Variants in MAN1A1 observed in about 807,000 individuals in gnomAD.
MAN1A1 encodes the protein mannosyl-oligosaccharide 1,2-alpha-mannosidase IA.
A neutral mutation model predicts 70.8 loss-of-function variants in MAN1A1; 29 were observed. That is an observed-to-expected ratio of 0.41 (90% CI 0.31 to 0.56). MAN1A1 has a LOEUF of 0.56. MAN1A1 is among the 20% of genes least tolerant of loss of function. The probability of loss-of-function intolerance (pLI) is 0.29; values close to 1 mark genes in which losing one functional copy is unlikely to be tolerated. For missense variants in MAN1A1, 747 were observed against 841.3 expected (o/e 0.89, Z 1.39); for synonymous variants, 349 against 330.1 (o/e 1.06, Z -0.62).
At chr6:119,194,000 C>T in intron 8 of MAN1A1, 108 bp from the exon 9 acceptor site, 1 of 617,712 alleles carries the variant, frequency 1.6e-6, no homozygotes, top group Admixed American at 2.9e-5. Flanking sequence ...CTGCAAGTCA[C>T]TGTTACATTT....
chr6:119,270,101 CT>C (rs1199522955), intron 5 of MAN1A1, among the ~76,000 whole-genome samples: 1 of 152,192 alleles, frequency 6.6e-6, no homozygotes. Flanking sequence ...CTCTAGCAGT[CT>C]TTGTTAGCTT....
chr6:119,267,657 A>T (rs12215906), intron 5 of MAN1A1, among the ~76,000 whole-genome samples: 51,931 of 151,706 alleles, frequency 0.34, 9,151 homozygotes, highest in East Asian at 0.54. Flanking sequence ...GCCACCCTAG[A>T]AACCCTATGT....
intron 2 of MAN1A1, among the ~76,000 whole-genome samples, chr6:119,319,359 A>AAATAAT (rs199629407): frequency 4.7e-5 from 7 of 147,822 alleles, no homozygotes; most frequent in East Asian, 2.0e-4. Flanking sequence ...AAAATGGTAA[A>AAATAAT]AATAATAATA....
chr6:119,234,212 G>A (rs1293295794), intron 6 of MAN1A1, among the ~76,000 whole-genome samples: 1 of 152,146 alleles, frequency 6.6e-6, no homozygotes, highest in Admixed American at 6.5e-5. Flanking sequence ...TCTAAGAAAA[G>A]ATTACTTGGA....
intron 5 of MAN1A1, among the ~76,000 whole-genome samples, chr6:119,283,366 A>C (rs1467094144): frequency 6.6e-6 from 1 of 152,228 alleles, no homozygotes; most frequent in East Asian, 1.9e-4. Context: ...ATGACTAAAC[A>C]TTTACTAAAT....
rs538099961 is a variant in MAN1A1, at chr6:119,334,131, A to T, written c.603+14332T>A. 8.3e-4 allele frequency among the ~76,000 whole-genome samples: 126 copies of T among 152,334 alleles called. 4 individuals are homozygous for T. In the South Asian group the frequency reaches 0.025, roughly 31 times the overall value. ...CAATGGTTTATTTTCGATCAATTTT[A>T]GAAACATTTGACAAGGTATGGGAAG... On this transcript the variant is annotated intron_variant, in intron 2 of 12. Transcript: ENST00000368468.
chr6:119,292,248 C>T (rs551138008), intron 4 of MAN1A1, among the ~76,000 whole-genome samples: 11 of 151,656 alleles, frequency 7.3e-5, no homozygotes, highest in African/African-American at 2.7e-4. Context: ...AAGCACATTT[C>T]AAGCTTTAGT....
chr6:119,238,820 A>T (rs1057445678), intron 6 of MAN1A1, among the ~76,000 whole-genome samples: 3 of 152,176 alleles, frequency 2.0e-5, no homozygotes, highest in African/African-American at 7.2e-5. Context: ...TTAAACTCCC[A>T]CTCACATTTT....
chr6:119,180,472 T>C (rs371907926), intron 11 of MAN1A1, 45 bp from the exon 12 acceptor site: 4 of 978,204 alleles, frequency 4.1e-6, no homozygotes, highest in Non-Finnish European at 6.4e-6. Flanking sequence ...TTCAGTAAAC[T>C]GATTGTCACT....
At chr6:119,335,389 C>A (rs1773426446) in intron 2 of MAN1A1, among the ~76,000 whole-genome samples, 1 of 152,176 alleles carries the variant, frequency 6.6e-6, no homozygotes, top group Non-Finnish European at 1.5e-5. Context: ...TTATTAACTC[C>A]ATTTCAAAGG....
chr6:119,271,800 A>T (rs1290095497), intron 5 of MAN1A1, among the ~76,000 whole-genome samples: 2 of 151,772 alleles, frequency 1.3e-5, no homozygotes, highest in Non-Finnish European at 2.9e-5. Flanking sequence ...CACCACGCCC[A>T]GCCAACCCCC....
chr6:119,211,873 G>A (rs1391243472), intron 6 of MAN1A1, among the ~76,000 whole-genome samples: 4 of 142,860 alleles, frequency 2.8e-5, no homozygotes, highest in Non-Finnish European at 6.0e-5. Context: ...ATGGAGTCTC[G>A]CTCTGTCACC....
chr6:119,272,542 T>C (rs771025532), intron 5 of MAN1A1, among the ~76,000 whole-genome samples: 1 of 152,206 alleles, frequency 6.6e-6, no homozygotes, highest in Admixed American at 6.5e-5. Context: ...TTTCCATGTA[T>C]GTTAGTAATA....
chr6:119,204,939 T>C (rs1773818261), intron 6 of MAN1A1, 57 bp from the exon 7 acceptor site: 1 of 1,577,394 alleles, frequency 6.3e-7, no homozygotes, highest in African/African-American at 1.4e-5. Flanking sequence ...TTTTTCACTA[T>C]CTAAATAGCA....
chr6:119,339,480 A>C (rs905710179), intron 2 of MAN1A1, among the ~76,000 whole-genome samples: 5 of 152,264 alleles, frequency 3.3e-5, no homozygotes, highest in Non-Finnish European at 7.3e-5. Flanking sequence ...AATGAAAAAC[A>C]AAAAGTATAT....
chr6:119,188,625 C>G (rs766860220), intron 10 of MAN1A1, 48 bp from the exon 11 acceptor site: 2 of 1,511,634 alleles, frequency 1.3e-6, no homozygotes, highest in Non-Finnish European at 1.8e-6. Flanking sequence ...CTGGACAGTG[C>G]TTACAGTCAA....
intron 2 of MAN1A1, among the ~76,000 whole-genome samples, chr6:119,335,686 G>C (rs1045993293): frequency 3.9e-5 from 6 of 152,228 alleles, no homozygotes; most frequent in Non-Finnish European, 8.8e-5. Flanking sequence ...TGAAGGTTGA[G>C]AGTGTAGAGA....
chr6:119,186,863 C>A (rs1052222405), intron 11 of MAN1A1, among the ~76,000 whole-genome samples: 5 of 152,192 alleles, frequency 3.3e-5, no homozygotes, highest in African/African-American at 1.2e-4. Context: ...TACAGCACTC[C>A]TGGCTCACCA....
intron 5 of MAN1A1, chr6:119,269,361 T>C: frequency 4.5e-6 from 1 of 221,814 alleles, no homozygotes; most frequent in Non-Finnish European, 9.2e-6. Flanking sequence ...CACACAACCT[T>C]GGGAGCAGCA....
Sources: gnomAD v4.1 joint callset for allele counts (sites outside exome capture counted in the v4.1 genomes callset) on GRCh38, gnomAD v4.1.1 for gene constraint, MANE v1.5 for transcripts, NCBI Gene and HGNC (gene_info 2026-07-23, HGNC 2026-07-21) for gene names.